CDH6: variants seen among roughly 807,000 people sequenced by gnomAD.
CDH6 encodes cadherin-6.
CDH6 carries 31 observed loss-of-function variants against 78.0 expected under a neutral mutation model. That is an observed-to-expected ratio of 0.40 (90% CI 0.30 to 0.54). The LOEUF (loss-of-function observed/expected upper bound fraction) is 0.54, where lower values mean the gene tolerates loss of function less well. Ranked by LOEUF, CDH6 falls within the 20% of genes least tolerant of loss-of-function variation. The pLI is 0.56. For missense variants in CDH6, 724 were observed against 975.9 expected (o/e 0.74, Z 3.44); for synonymous variants, 376 against 368.8 (o/e 1.02, Z -0.23).
At chr5:31,305,555 C>T (rs1737968753) in intron 7 of CDH6, 128 bp downstream of exon 7, 2 of 915,302 alleles carry the variant, frequency 2.2e-6, no homozygotes, top group Non-Finnish European at 3.3e-6. Context: ...CCTGAAAAAA[C>T]TATTCTAAAC....
At chr5:31,268,915 G>A (rs1742439718) in intron 2 of CDH6, among the ~76,000 whole-genome samples, 1 of 152,180 alleles carries the variant, frequency 6.6e-6, no homozygotes, top group Non-Finnish European at 1.5e-5. Flanking sequence ...TAAAGTAAGA[G>A]AGGAAGTATT....
intron 1 of CDH6, among the ~76,000 whole-genome samples, chr5:31,237,828 A>G (rs1459214368): frequency 1.3e-5 from 2 of 152,208 alleles, no homozygotes; most frequent in East Asian, 1.9e-4. Flanking sequence ...CTGACCCTGT[A>G]TTATGCATTG....
intron 2 of CDH6, among the ~76,000 whole-genome samples, chr5:31,292,865 ATATATATATG>A (rs1381755746): frequency 1.9e-4 from 17 of 90,236 alleles, no homozygotes; most frequent in African/African-American, 5.8e-4. Flanking sequence ...ATATATATAT[ATATATATATG>A]TATGTGTTTG....
Position 31,198,665 on chromosome 5 carries a change from A to G in CDH6, c.-129+4779A>G, listed in dbSNP as rs1356491704. 2.6e-5 allele frequency among the ~76,000 whole-genome samples: 4 copies of G among 152,172 alleles called. No homozygotes were observed. The East Asian group carries it at 7.7e-4, about 29-fold the overall frequency. On this transcript the variant is annotated intron_variant, in intron 1 of 11. Transcript: ENST00000265071. Reference sequence around the variant, plus strand: ...ACTTGGGGAAGTGTCCAAGTGAGTGAAATGGAAAGAGATGAGGACGTAAAT... The same window carrying G: ...ACTTGGGGAAGTGTCCAAGTGAGTGGAATGGAAAGAGATGAGGACGTAAAT...
chr5:31,272,141 G>A (rs966812098), intron 2 of CDH6, among the ~76,000 whole-genome samples: 1 of 152,160 alleles, frequency 6.6e-6, no homozygotes, highest in African/African-American at 2.4e-5. Context: ...GACAGAGCCG[G>A]TGTTAGCTTA....
intron 1 of CDH6, among the ~76,000 whole-genome samples, chr5:31,207,598 G>A (rs1261444579): frequency 2.0e-5 from 3 of 152,192 alleles, no homozygotes; most frequent in Admixed American, 6.5e-5. Context: ...TAAACATCTG[G>A]AAAACAAAGC....
chr5:31,286,017 A>T (rs1425808475), intron 2 of CDH6, among the ~76,000 whole-genome samples: 3 of 152,232 alleles, frequency 2.0e-5, no homozygotes, highest in African/African-American at 7.2e-5. Flanking sequence ...TAAAGTCAAG[A>T]AAGAGTATAG....
intron 1 of CDH6, among the ~76,000 whole-genome samples, chr5:31,212,246 T>C (rs1377284321): frequency 4.6e-5 from 7 of 152,174 alleles, no homozygotes; most frequent in Non-Finnish European, 1.0e-4. Context: ...CCCCAAAATG[T>C]CAGATGTTTC....
At chr5:31,197,433 A>G (rs1740199120) in intron 1 of CDH6, among the ~76,000 whole-genome samples, 1 of 152,246 alleles carries the variant, frequency 6.6e-6, no homozygotes, top group Non-Finnish European at 1.5e-5. Flanking sequence ...GGTCTCACTT[A>G]TAAAAATAAC....
intron 1 of CDH6, among the ~76,000 whole-genome samples, chr5:31,262,949 G>GTT (rs1372842610): frequency 1.5e-4 from 23 of 152,046 alleles, no homozygotes; most frequent in Non-Finnish European, 8.8e-5. Context: ...GTTCTGCACC[G>GTT]TAAGAATCCT....
At chr5:31,238,460 C>T (rs1741511710) in intron 1 of CDH6, among the ~76,000 whole-genome samples, 1 of 152,166 alleles carries the variant, frequency 6.6e-6, no homozygotes, top group Non-Finnish European at 1.5e-5. Flanking sequence ...TATCTTGGTT[C>T]AGCTGTTCCC....
intron 2 of CDH6, among the ~76,000 whole-genome samples, chr5:31,277,467 C>T (rs890572181): frequency 3.9e-5 from 6 of 152,116 alleles, no homozygotes; most frequent in African/African-American, 1.4e-4. Flanking sequence ...ATCGTAATCT[C>T]CTTATATAAT....
At chr5:31,240,078 C>A (rs900761919) in intron 1 of CDH6, among the ~76,000 whole-genome samples, 2 of 152,098 alleles carry the variant, frequency 1.3e-5, no homozygotes, top group Admixed American at 6.5e-5. Context: ...TCCAAGAAAT[C>A]TAGGGTAAAA....
At chr5:31,197,283 G>T (rs976924841) in intron 1 of CDH6, among the ~76,000 whole-genome samples, 2 of 152,174 alleles carry the variant, frequency 1.3e-5, no homozygotes, top group African/African-American at 2.4e-5. Flanking sequence ...CTGACAGCCT[G>T]CAGGTTTCAA....
rs553409727 is a variant in CDH6, at chr5:31,256,477, T to C, written c.-128-10869T>C. On this transcript the variant is annotated intron_variant, in intron 1 of 11. Coordinates refer to ENST00000265071, the MANE Select transcript of CDH6 (RefSeq NM_004932.4). Reference sequence around the variant, plus strand: ...TTGTAAAAGAAAGAGCAAAATAAAGTGTAACTCCGACTCCATGGAGAGCTT... The same window carrying C: ...TTGTAAAAGAAAGAGCAAAATAAAGCGTAACTCCGACTCCATGGAGAGCTT... 1.2e-4 allele frequency among the ~76,000 whole-genome samples: 18 copies of C among 152,300 alleles called. No homozygotes were observed. In the East Asian group the frequency reaches 2.1e-3, roughly 18 times the overall value.
chr5:31,300,228 ATCAGGAGTATGC>A (rs1737729226), intron 5 of CDH6, among the ~76,000 whole-genome samples: 2 of 152,212 alleles, frequency 1.3e-5, no homozygotes, highest in Non-Finnish European at 1.5e-5. Flanking sequence ...CCAACTTGGT[ATCAGGAGTATGC>A]TAAAAATTCT....
chr5:31,265,966 C>T (rs916237166), intron 1 of CDH6, among the ~76,000 whole-genome samples: 32 of 151,418 alleles, frequency 2.1e-4, no homozygotes, highest in Non-Finnish European at 2.9e-4. Context: ...TTAGTAGAGA[C>T]GGGGTTTCAT....
At position 31,235,235 on chromosome 5, in the gene CDH6, TC is replaced by T. The variant is rs1438781938; in HGVS notation, c.-128-32110del. Among the ~76,000 whole-genome samples, 44 of 63,784 alleles carry T rather than the reference TC, an allele frequency of 6.9e-4. No individual in the cohort carries two copies. The East Asian group carries it at 0.012, about 18-fold the overall frequency. 41.8% of individuals were successfully genotyped at this position (63,784 alleles called of 152,430 possible). On this transcript the variant is annotated intron_variant, in intron 1 of 11. Transcript: ENST00000265071. ...TAATTTCATCTTTTCTATTCCTTTTTCTTTTTTTTTTTTTTTTTGCCTTGTA... is the reference window on the plus strand; with the variant it reads ...TAATTTCATCTTTTCTATTCCTTTTTTTTTTTTTTTTTTTTTTGCCTTGTA...
intron 1 of CDH6, among the ~76,000 whole-genome samples, chr5:31,225,954 A>G (rs1741140853): frequency 6.6e-6 from 1 of 152,148 alleles, no homozygotes; most frequent in South Asian, 2.1e-4. Context: ...TTCCAAGTAC[A>G]TACTCCATTC....
Sources: gnomAD v4.1 joint callset for allele counts (sites outside exome capture counted in the v4.1 genomes callset) on GRCh38, gnomAD v4.1.1 for gene constraint, MANE v1.5 for transcripts, NCBI Gene and HGNC (gene_info 2026-07-23, HGNC 2026-07-21) for gene names.